PLEKHG1: variants seen among roughly 807,000 people sequenced by gnomAD.
The protein encoded by PLEKHG1 is pleckstrin homology and RhoGEF domain containing G1.
Under a neutral mutation model 100.8 loss-of-function variants are expected in PLEKHG1, and 44 were observed. The observed-to-expected ratio is 0.44, with a 90% CI of 0.34 to 0.56. PLEKHG1 has a LOEUF of 0.56. Among genes scored for constraint, PLEKHG1 ranks in the 20% least tolerant of loss-of-function variants. PLEKHG1 has a pLI of 0.01. For synonymous variants in PLEKHG1, 640 were observed against 662.5 expected (o/e 0.97, Z 0.52); for missense variants, 1,545 against 1,720.9 (o/e 0.90, Z 1.81).
intron 3 of PLEKHG1, among the ~76,000 whole-genome samples, chr6:150,773,683 T>G (rs1309082424): frequency 6.6e-6 from 1 of 152,258 alleles, no homozygotes; most frequent in Non-Finnish European, 1.5e-5. Context: ...TAGATTTTCT[T>G]GACTCTGCCC....
chr6:150,612,210 T>C (rs1776878327), intron 1 of PLEKHG1, among the ~76,000 whole-genome samples: 2 of 152,250 alleles, frequency 1.3e-5, no homozygotes, highest in Non-Finnish European at 2.9e-5. Flanking sequence ...CCCAGCCTTT[T>C]AGACTCTTAT....
chr6:150,620,041 A>G (rs942269798), intron 1 of PLEKHG1, among the ~76,000 whole-genome samples: 2 of 152,130 alleles, frequency 1.3e-5, no homozygotes, highest in Admixed American at 6.5e-5. Flanking sequence ...TTTTCTGTAT[A>G]TGTATTATCG....
chr6:150,662,790 G>A (rs1365303697), intron 3 of PLEKHG1: 1 of 152,148 alleles, frequency 6.6e-6, no homozygotes, highest in Non-Finnish European at 1.5e-5. Flanking sequence ...GCATTCTCAC[G>A]GGGGTTCAAA....
At chr6:150,715,666 T>C (rs935421167) in intron 3 of PLEKHG1, among the ~76,000 whole-genome samples, 2 of 150,786 alleles carry the variant, frequency 1.3e-5, no homozygotes, top group Non-Finnish European at 3.0e-5. Context: ...TGTTTTGTAT[T>C]TTTAGGAGAG....
intron 4 of PLEKHG1, among the ~76,000 whole-genome samples, chr6:150,794,907 G>A (rs1277999303): frequency 2.0e-5 from 3 of 151,768 alleles, no homozygotes; most frequent in Non-Finnish European, 4.4e-5. Flanking sequence ...TTCCAGTTGA[G>A]GTTAACAGGA....
chr6:150,630,287 A>G (rs1057103559), intron 1 of PLEKHG1, among the ~76,000 whole-genome samples: 7 of 152,234 alleles, frequency 4.6e-5, no homozygotes, highest in Admixed American at 2.0e-4. Context: ...TTTGCGGAGA[A>G]TCAGTGCTGG....
chr6:150,612,317 G>A (rs544015808), intron 1 of PLEKHG1, among the ~76,000 whole-genome samples: 2 of 151,768 alleles, frequency 1.3e-5, no homozygotes, highest in Admixed American at 6.6e-5. Flanking sequence ...GTTTTTTTGT[G>A]GGGTTTTGTT....
At chr6:150,775,867 AC>A (rs1285408847) in intron 3 of PLEKHG1, among the ~76,000 whole-genome samples, 1 of 152,060 alleles carries the variant, frequency 6.6e-6, no homozygotes, top group Non-Finnish European at 1.5e-5. Flanking sequence ...TTTCAACTGG[AC>A]TTTTCCAGGC....
intron 3 of PLEKHG1, among the ~76,000 whole-genome samples, chr6:150,705,934 C>A (rs1216208080): frequency 6.6e-6 from 1 of 152,108 alleles, no homozygotes; most frequent in African/African-American, 2.4e-5. Flanking sequence ...CCTCTAGGTG[C>A]CGTCTTAAAT....
intron 3 of PLEKHG1, among the ~76,000 whole-genome samples, chr6:150,778,242 C>T (rs1047994075): frequency 6.6e-6 from 1 of 152,182 alleles, no homozygotes; most frequent in African/African-American, 2.4e-5. Context: ...ATCCTCCCTC[C>T]TCAACCTCCC....
intron 1 of PLEKHG1, among the ~76,000 whole-genome samples, chr6:150,628,578 C>CACACACACACACACA (rs1263436444): frequency 1.2e-4 from 4 of 32,132 alleles, no homozygotes; most frequent in South Asian, 2.4e-3. Context: ...ACACACACAC[C>CACACACACACACACA]CCGTCCTTGC....
intron 14 of PLEKHG1, among the ~76,000 whole-genome samples, chr6:150,827,272 GCTTT>G (rs1776661063): frequency 6.7e-6 from 1 of 148,922 alleles, no homozygotes; most frequent in Non-Finnish European, 1.5e-5. Context: ...CCAAAAAACT[GCTTT>G]CTTTTTTTTT....
chr6:150,726,410 C>CT (rs1293973766), intron 1 of PLEKHG1, among the ~76,000 whole-genome samples: 1 of 152,048 alleles, frequency 6.6e-6, no homozygotes, highest in Non-Finnish European at 1.5e-5. Flanking sequence ...ATATGTATAA[C>CT]TTTTTCTATT....
intron 3 of PLEKHG1, chr6:150,664,168 A>G (rs890580549): frequency 6.6e-6 from 1 of 152,186 alleles, no homozygotes; most frequent in Non-Finnish European, 1.5e-5. Flanking sequence ...CAAGATGTCT[A>G]CTAGCCACAA....
At chr6:150,667,811 C>G (rs1779454888) in intron 3 of PLEKHG1, among the ~76,000 whole-genome samples, 1 of 152,164 alleles carries the variant, frequency 6.6e-6, no homozygotes, top group Admixed American at 6.5e-5. Context: ...TTTAGAACTA[C>G]AAGGGATAGT....
At chr6:150,653,214 GAAA>G (rs1014172890) in intron 3 of PLEKHG1, among the ~76,000 whole-genome samples, 1 of 151,436 alleles carries the variant, frequency 6.6e-6, no homozygotes, top group African/African-American at 2.4e-5. Flanking sequence ...AAAAACAGAA[GAAA>G]AAAAATGAAC....
intron 3 of PLEKHG1, among the ~76,000 whole-genome samples, chr6:150,681,581 C>T (rs886761361): frequency 1.1e-4 from 16 of 151,826 alleles, no homozygotes; most frequent in Admixed American, 4.6e-4. Flanking sequence ...GTAGAATTTC[C>T]TCCATGTTCT....
chr6:150,702,755 A>T (rs1323856897), intron 3 of PLEKHG1, among the ~76,000 whole-genome samples: 1 of 152,210 alleles, frequency 6.6e-6, no homozygotes, highest in East Asian at 1.9e-4. Context: ...ACCACCAATA[A>T]CAAACAGACT....
At chr6:150,833,360 C>T (rs370520334) in intron 15 of PLEKHG1, among the ~76,000 whole-genome samples, 1 of 152,188 alleles carries the variant, frequency 6.6e-6, no homozygotes, top group African/African-American at 2.4e-5. Flanking sequence ...GCCTACTGCT[C>T]AATTTTTTAA....
Sources: allele counts gnomAD v4.1 joint callset (sites outside exome capture counted in the v4.1 genomes callset), GRCh38; gene constraint gnomAD v4.1.1; transcripts MANE v1.5; gene names NCBI Gene and HGNC (gene_info 2026-07-23, HGNC 2026-07-21).